Variants in B9D1 observed in about 807,000 individuals in gnomAD.
The protein encoded by B9D1 is B9 domain containing 1, also known as B9 domain-containing protein 1.
In B9D1, 20 loss-of-function variants were observed where a neutral mutation model predicts 26.1. The observed-to-expected ratio is 0.77, with a 90% CI of 0.54 to 1.12. The LOEUF (loss-of-function observed/expected upper bound fraction) is 1.12. Among genes scored for constraint, B9D1 ranks in the 50% most tolerant of loss-of-function variants. The pLI, the probability that B9D1 is intolerant of heterozygous loss-of-function variation, is 0.00. For synonymous variants in B9D1, 105 were observed against 103.1 expected, an observed-to-expected ratio of 1.02 and a Z score of -0.11; for missense variants, 260 against 273.7, an observed-to-expected ratio of 0.95 and a Z score of 0.35.
At chr17:19,344,591 C>A in intron 5 of B9D1, 1 of 217,468 alleles carries the variant, frequency 4.6e-6, no homozygotes, top group Non-Finnish European at 9.8e-6. Flanking sequence ...CTTCGCCCCG[C>A]CGGGACTCGC....
chr17:19,344,523 G>A (rs1908466484), intron 5 of B9D1: 2 of 272,966 alleles, frequency 7.3e-6, no homozygotes, highest in East Asian at 1.7e-4. Flanking sequence ...ACACACCCAC[G>A]CGAGCCGGAA....
Position 19,347,467 on chromosome 17 carries a change from T to C in B9D1, c.342-136A>G. The C allele has an allele frequency of 1.9e-6, 2 of 1,058,452 alleles. No individual in the cohort carries two copies. Among genetic ancestry groups the C allele is most frequent in the Non-Finnish European group, 2.9e-6 (2 of 697,774 alleles). 65.6% of individuals were successfully genotyped at this position (1,058,452 alleles called of 1,614,324 possible). A position where few individuals can be genotyped will look rare whatever the true frequency, so the allele number is the denominator to read the frequency against. The stretch of plus-strand genomic sequence containing the variant: ...AGGGCCAATGTCAACGAATCCAACC[T>C]GTGCTAACTGAGCACCCCCTGTGTC... On this transcript the variant is annotated intron_variant, in intron 4 of 6. Transcript: ENST00000261499. The surrounding 1 kb of genome is among the most constrained non-coding windows in gnomAD (Gnocchi z 4.3).
In B9D1 at chr17:19,343,473, A is replaced by G. The variant is rs1330715883; in HGVS notation, c.473-12T>C. ...ACGGACACGGGTCACTGGGGACAGA[A>G]GGGCAGCATCAGCCAGGCTGGGCTG... is the stretch of plus-strand genomic sequence containing the variant. On this transcript the variant is annotated splice_polypyrimidine_tract_variant and intron_variant, in intron 6 of 6. Transcript: ENST00000261499. The G allele has an allele frequency of 1.2e-6, 2 of 1,614,170 alleles. No individual in the cohort carries two copies. The highest frequency in any genetic ancestry group is 1.7e-5 in the Admixed American group (1 of 60,030).
At chr17:19,364,384 G>C (rs1329680612), upstream of B9D1, 1 of 152,302 alleles carries the variant, frequency 6.6e-6, no homozygotes, top group Non-Finnish European at 1.5e-5. The surrounding 1 kb of genome is among the most constrained non-coding windows in gnomAD (Gnocchi z 4.3). Flanking sequence ...TTTAGGAGAG[G>C]GGTCTCAGGG....
upstream of B9D1, chr17:19,362,776 G>C: frequency 1.4e-6 from 2 of 1,407,926 alleles, no homozygotes; most frequent in Non-Finnish European, 9.6e-7. Flanking sequence ...AAGGGGCGGG[G>C]ATCCACGCCG....
In B9D1 at chr17:19,347,920, C is replaced by T; in HGVS notation, c.245-40G>A. Reference sequence around the variant, plus strand: ...GGCAGGGGGTGGGCACATGAGGACACACAGGGGAGGTGCAGGGCAGAGAAC... The same window carrying T: ...GGCAGGGGGTGGGCACATGAGGACATACAGGGGAGGTGCAGGGCAGAGAAC... On this transcript the variant is annotated intron_variant, in intron 3 of 6. Coordinates refer to ENST00000261499, the MANE Select transcript of B9D1 (RefSeq NM_015681.6). This position sits in a 1 kb window ranked among gnomAD's most constrained non-coding sequence, Gnocchi z 4.3. 1 of 1,566,538 alleles carries T rather than the reference C, an allele frequency of 6.4e-7. No homozygotes were observed. Among genetic ancestry groups the T allele is most frequent in the East Asian group, 2.2e-5 (1 of 44,650 alleles).
chr17:19,343,819 T>G lies in B9D1; in HGVS notation c.443A>C (p.Lys148Thr), dbSNP rs1340916417. ...CCGGCCTTCACCCTGAGCCACCACC[T>G]TGGGGTCTGTGTACTCGGGCCGCCG... ...MGRRPEYTDP[K>T]VVAQGEGREV... The change falls in exon 6 of 7, where the codon AAG becomes ACG. Residue 148 changes from lysine to threonine, a missense_variant. Physicochemically the swap from Lys to Thr is moderately conservative, Grantham distance 78 (BLOSUM62 -1). Coordinates refer to ENST00000261499, the MANE Select transcript of B9D1 (RefSeq NM_015681.6). 6.2e-7 allele frequency: 1 copy of G among 1,613,960 alleles called. No homozygotes were observed.
At chr17:19,337,862 A>C (rs1598035022), downstream of B9D1, 1 of 350,854 alleles carries the variant, frequency 2.9e-6, no homozygotes, top group Non-Finnish European at 6.1e-6. Flanking sequence ...CCCCATCCAG[A>C]TGTGGGGTGG....
At chr17:19,371,099 G>A (rs1164328132) in intron 1 of B9D1, 1 of 152,372 alleles carries the variant, frequency 6.6e-6, no homozygotes, top group East Asian at 1.9e-4. Flanking sequence ...GGGAGAAGAA[G>A]GCAGGTGGCC....
intron 3 of B9D1, among the ~76,000 whole-genome samples, chr17:19,354,138 A>G (rs898998818): frequency 1.3e-5 from 2 of 152,146 alleles, no homozygotes; most frequent in Non-Finnish European, 2.9e-5. Flanking sequence ...TTATTTTTCA[A>G]ACATATGGAG....
chr17:19,335,470 C>G (rs1234023124), downstream of B9D1: 1 of 1,549,260 alleles, frequency 6.5e-7, no homozygotes, highest in Non-Finnish European at 8.7e-7. Flanking sequence ...CATCTTTAAC[C>G]TTGTGTGTCT....
chr17:19,360,469 G>T, intron 1 of B9D1, 81 bp from the exon 2 acceptor site: 2 of 1,301,162 alleles, frequency 1.5e-6, no homozygotes, highest in South Asian at 1.2e-5. Context: ...CAGCCAAGGG[G>T]AATTCTGAAC....
intron 1 of B9D1, among the ~76,000 whole-genome samples, chr17:19,360,993 C>T (rs917091976): frequency 2.0e-5 from 3 of 152,184 alleles, no homozygotes; most frequent in Non-Finnish European, 2.9e-5. Context: ...CGCATGACCA[C>T]GGGAGCTCCA....
At chr17:19,342,279 C>T (rs552258121), downstream of B9D1, among the ~76,000 whole-genome samples, 13 of 152,192 alleles carry the variant, frequency 8.5e-5, no homozygotes, top group African/African-American at 1.2e-4. Context: ...AGTTTCAGAA[C>T]GCACAGTGAG....
chr17:19,349,641 C>T (rs1032008340), intron 3 of B9D1, among the ~76,000 whole-genome samples: 3 of 152,144 alleles, frequency 2.0e-5, no homozygotes, highest in African/African-American at 4.8e-5. Flanking sequence ...CTCAGCCTCC[C>T]GAAGTGCAGG....
rs183837433 is a variant in B9D1, at chr17:19,367,758, C to T, written c.-297-7370G>A. On this transcript the variant is annotated intron_variant, in intron 1 of 5. Transcript: ENST00000477478. The stretch of plus-strand genomic sequence containing the variant: ...AACTTCAAGAGCCCGATAAATGCCC[C>T]TTCCTCTGGGATGTCTTTTTTCTGA... Among the ~76,000 whole-genome samples, 137 of 152,340 alleles carry T rather than the reference C, an allele frequency of 9.0e-4. 2 individuals are homozygous for T. Among genetic ancestry groups the T allele is most frequent in the African/African-American group, 3.2e-3 (133 of 41,586 alleles).
At chr17:19,376,836 T>TA (rs869115198) in intron 1 of B9D1, among the ~76,000 whole-genome samples, 1 of 126,760 alleles carries the variant, frequency 7.9e-6, no homozygotes, top group African/African-American at 2.7e-5. Context: ...TAAAATAAAA[T>TA]AAACAACCAA....
chr17:19,348,158 C>T (rs1404676047), intron 3 of B9D1, among the ~76,000 whole-genome samples: 2 of 152,146 alleles, frequency 1.3e-5, no homozygotes, highest in Non-Finnish European at 2.9e-5. Flanking sequence ...ACTCCATGTA[C>T]AAGGAGGCAC....
intron 2 of B9D1, 126 bp from the exon 3 acceptor site, chr17:19,358,077 T>G (rs1481179904): frequency 2.7e-6 from 2 of 727,614 alleles, no homozygotes; most frequent in Non-Finnish European, 2.5e-6. Flanking sequence ...AGACACGAAC[T>G]TCCAAACAAA....
Sources: gnomAD v4.1 joint callset for allele counts (sites outside exome capture counted in the v4.1 genomes callset) on GRCh38, gnomAD v4.1.1 for gene constraint, Gnocchi (gnomAD v3.1) non-coding constraint, MANE v1.5 for transcripts, NCBI Gene and HGNC (gene_info 2026-07-23, HGNC 2026-07-21) for gene names.